SRGAP2: variants seen among roughly 807,000 people sequenced by gnomAD.
SRGAP2 encodes SLIT-ROBO Rho GTPase-activating protein 2.
In SRGAP2, 15 loss-of-function variants were observed where a neutral mutation model predicts 57.2. The observed-to-expected ratio is 0.26, with a 90% confidence interval of 0.18 to 0.40. SRGAP2 has a LOEUF of 0.40. SRGAP2 is among the 10% of genes least tolerant of loss of function. The probability of loss-of-function intolerance (pLI) is 1.00; values close to 1 mark genes in which losing one functional copy is unlikely to be tolerated. For synonymous variants in SRGAP2, 249 were observed against 248.0 expected, an observed-to-expected ratio of 1.00 and a Z score of -0.04; for missense variants, 520 against 669.6, an observed-to-expected ratio of 0.78 and a Z score of 2.47.
chr1:206,426,801 T>G (rs1184988488), intron 13 of SRGAP2, among the ~76,000 whole-genome samples: 1 of 152,262 alleles, frequency 6.6e-6, no homozygotes, highest in Non-Finnish European at 1.5e-5. Flanking sequence ...TGCCCATTTT[T>G]TAATCAGATA....
At chr1:206,304,503 A>G (rs1672074916) in intron 3 of SRGAP2, among the ~76,000 whole-genome samples, 1 of 151,250 alleles carries the variant, frequency 6.6e-6, no homozygotes, top group Non-Finnish European at 1.5e-5. Flanking sequence ...GATGAGCTTA[A>G]AAAAAATTGC....
intron 5 of SRGAP2, among the ~76,000 whole-genome samples, chr1:206,389,424 G>T (rs3119004): frequency 4.6e-5 from 7 of 152,196 alleles, no homozygotes; most frequent in African/African-American, 1.7e-4. Flanking sequence ...TGATCCGCCC[G>T]CCTGGGCCTC....
chr1:206,456,077 T>A (rs1157207192), intron 21 of SRGAP2: 7 of 152,254 alleles, frequency 4.6e-5, no homozygotes, highest in African/African-American at 1.7e-4. Flanking sequence ...ATGAAATGAT[T>A]TGCACTTTGA....
At chr1:206,446,648 T>C (rs1553373931) in intron 18 of SRGAP2, among the ~76,000 whole-genome samples, 1 of 152,254 alleles carries the variant, frequency 6.6e-6, no homozygotes, top group African/African-American at 2.4e-5. Context: ...GCTTCTACTC[T>C]GTGCTCTGTA....
chr1:206,239,531 C>T (rs1242902012), intron 2 of SRGAP2, among the ~76,000 whole-genome samples: 1 of 152,094 alleles, frequency 6.6e-6, no homozygotes, highest in African/African-American at 2.4e-5. Flanking sequence ...GATCTTGGCT[C>T]ACTGCAACCT....
At chr1:206,346,416 G>A (rs1360020375) in intron 4 of SRGAP2, among the ~76,000 whole-genome samples, 1 of 152,202 alleles carries the variant, frequency 6.6e-6, no homozygotes, top group Non-Finnish European at 1.5e-5. Flanking sequence ...AATTGTGATA[G>A]GTAAATTGTA....
chr1:206,277,041 G>A (rs1258507122), intron 2 of SRGAP2, among the ~76,000 whole-genome samples: 23 of 151,356 alleles, frequency 1.5e-4, no homozygotes, highest in Non-Finnish European at 1.2e-4. Flanking sequence ...CTTGGCTCAC[G>A]GCAACCTCTC....
At chr1:206,322,586 A>AT in intron 3 of SRGAP2, among the ~76,000 whole-genome samples, 1 of 136,992 alleles carries the variant, frequency 7.3e-6, no homozygotes, top group Non-Finnish European at 1.5e-5. Flanking sequence ...TATCAAAAAA[A>AT]AAAAAAAAAA....
intron 14 of SRGAP2, among the ~76,000 whole-genome samples, chr1:206,431,809 C>G (rs564510910): frequency 6.6e-6 from 1 of 152,194 alleles, no homozygotes; most frequent in African/African-American, 2.4e-5. Flanking sequence ...AGGGAAAAGG[C>G]CTCTCCTAAA....
rs1432303154 is a variant in SRGAP2 at position 206,419,497 on chromosome 1, C to T, written c.1469+97C>T. 6 of 763,372 alleles carry T rather than the reference C, an allele frequency of 7.9e-6. No homozygotes were observed. The African/African-American group carries it at 8.5e-5, about 11-fold the overall frequency. The allele number at this position is 763,372 out of a possible 1,614,324, so 47.3% of individuals were successfully genotyped here. ...GAGCCAAGGAGTTGAGTTGTAAAGGCATTGAATGACTTTACAAAGCAATGG... is the reference window on the plus strand; with the variant it reads ...GAGCCAAGGAGTTGAGTTGTAAAGGTATTGAATGACTTTACAAAGCAATGG... On this transcript the variant is annotated intron_variant, in intron 12 of 22. Transcript: ENST00000573034.
chr1:206,456,581 G>A (rs1663852808), intron 21 of SRGAP2, among the ~76,000 whole-genome samples: 1 of 152,158 alleles, frequency 6.6e-6, no homozygotes, highest in African/African-American at 2.4e-5. Context: ...CATAGAAATT[G>A]TAGAGAGTAA....
chr1:206,309,223 T>A (rs2102780611), intron 3 of SRGAP2, among the ~76,000 whole-genome samples: 1 of 145,622 alleles, frequency 6.9e-6, no homozygotes, highest in South Asian at 2.1e-4. Context: ...GTAAATAGTA[T>A]AATGTGAAAA....
At chr1:206,255,179 T>C (rs1341146423) in intron 2 of SRGAP2, among the ~76,000 whole-genome samples, 2 of 142,142 alleles carry the variant, frequency 1.4e-5, no homozygotes, top group Admixed American at 1.4e-4. Context: ...TTTACTCTGC[T>C]GCTTCCTGGG....
intron 3 of SRGAP2, among the ~76,000 whole-genome samples, chr1:206,304,440 G>A (rs1260659643): frequency 4.3e-5 from 6 of 139,700 alleles, no homozygotes; most frequent in Middle Eastern, 3.5e-3. Context: ...GGGCCACATT[G>A]GAAGAAGAAG....
At chr1:206,240,748 C>T (rs1668171744) in intron 2 of SRGAP2, among the ~76,000 whole-genome samples, 1 of 152,212 alleles carries the variant, frequency 6.6e-6, no homozygotes, top group African/African-American at 2.4e-5. Flanking sequence ...AAGATACGTG[C>T]TCATGGTAAC....
chr1:206,275,558 G>C (rs1670359373), intron 2 of SRGAP2, among the ~76,000 whole-genome samples: 1 of 130,522 alleles, frequency 7.7e-6, no homozygotes, highest in African/African-American at 3.1e-5. Context: ...GACTGGAGGG[G>C]ATATTCTTCC....
rs202114533 is a variant in SRGAP2, at chr1:206,453,213, C to A, written c.2193C>A (p.Ile731=). ...CACCCTTCTCAGAATGTGAGCCCAT[C>A]GAGGCCATTGCCAAGTTTGACTACG... The part of the protein sequence containing the change: ...HHTSDDECEP[I]EAIAKFDYVG... Residue 731 remains isoleucine (I), a synonymous_variant, in exon 20 of 23, where the codon ATC becomes ATA. Transcript: ENST00000573034. 1.2e-5 allele frequency: 7 copies of A among 562,648 alleles called. No homozygotes were observed. In the Admixed American group the frequency reaches 2.0e-4, roughly 16 times the overall value. The allele number at this position is 562,648 out of a possible 1,614,324, so 34.9% of individuals were successfully genotyped here.
chr1:206,453,865 T>G (rs1275985357), intron 20 of SRGAP2: 9 of 397,074 alleles, frequency 2.3e-5, no homozygotes, highest in African/African-American at 1.6e-4. Context: ...AGCAGCCTTA[T>G]GGAAGTGACC....
intron 4 of SRGAP2, among the ~76,000 whole-genome samples, chr1:206,355,759 G>C (rs1375229607): frequency 6.6e-6 from 1 of 152,258 alleles, no homozygotes. Context: ...CTGAGGTCAG[G>C]AGTTTGAGAC....
Sources: allele counts gnomAD v4.1 joint callset (sites outside exome capture counted in the v4.1 genomes callset), GRCh38; gene constraint gnomAD v4.1.1; transcripts MANE v1.5; gene names NCBI Gene and HGNC (gene_info 2026-07-23, HGNC 2026-07-21).